The following REC114 variants were observed in gnomAD, a reference collection of about 807,000 sequenced individuals.
The protein encoded by REC114 is REC114 meiotic recombination protein.
REC114 carries 27 observed loss-of-function variants against 31.3 expected under a neutral mutation model. The observed-to-expected ratio is 0.86, with a 90% confidence interval of 0.64 to 1.19. REC114 has a LOEUF of 1.19. Among genes scored for constraint, REC114 ranks in the 50% most tolerant of loss-of-function variants. The probability of loss-of-function intolerance (pLI) is 0.00; values close to 1 mark genes in which losing one functional copy is unlikely to be tolerated. For missense variants in REC114, 344 were observed against 326.9 expected (o/e 1.05, Z -0.40); for synonymous variants, 134 against 127.7 (o/e 1.05, Z -0.33).
At chr15:73,483,524 G>A (rs1160432089) in intron 2 of REC114, 3 of 152,712 alleles carry the variant, frequency 2.0e-5, no homozygotes, top group African/African-American at 7.2e-5. Context: ...TTATTTCAGT[G>A]TTTCTGCTGT....
chr15:73,469,841 T>C (rs1436936573), intron 1 of REC114, among the ~76,000 whole-genome samples: 1 of 151,930 alleles, frequency 6.6e-6, no homozygotes, highest in Non-Finnish European at 1.5e-5. Flanking sequence ...CCCGCCACCA[T>C]GCCCGGCTAA....
chr15:73,454,639 T>A (rs1892892777), intron 1 of REC114, among the ~76,000 whole-genome samples: 1 of 152,206 alleles, frequency 6.6e-6, no homozygotes. Flanking sequence ...TGATATAGGC[T>A]GAAATACAAA....
At chr15:73,498,519 A>G (rs1330669823) in intron 2 of REC114, among the ~76,000 whole-genome samples, 1 of 152,194 alleles carries the variant, frequency 6.6e-6, no homozygotes, top group South Asian at 2.1e-4. Context: ...AATTCTAATA[A>G]GATTTCCTGA....
chr15:73,550,381 A>G (rs1894370798), intron 3 of REC114, among the ~76,000 whole-genome samples: 1 of 152,218 alleles, frequency 6.6e-6, no homozygotes, highest in Non-Finnish European at 1.5e-5. Context: ...TCACTATGCA[A>G]CTTGTATGGT....
rs533631891 is a variant in REC114 at position 73,541,977 on chromosome 15, A to G, written c.333+1409A>G. Among the ~76,000 whole-genome samples the G allele has an allele frequency of 5.6e-4, 85 of 152,266 alleles. 1 individual carries two copies. The highest frequency in any genetic ancestry group is 1.1e-3 in the Non-Finnish European group (75 of 68,020). ...ATCAGTTAGGATTGTGTTCAGATGC[A>G]TGTAAGAGAAAAATCAGCTATAATG... On this transcript the variant is annotated intron_variant, in intron 3 of 5. Coordinates refer to ENST00000331090, the MANE Select transcript of REC114 (RefSeq NM_001042367.2).
intron 1 of REC114, among the ~76,000 whole-genome samples, chr15:73,448,126 T>C (rs1892793230): frequency 6.6e-6 from 1 of 151,738 alleles, no homozygotes; most frequent in South Asian, 2.1e-4. Flanking sequence ...CGCCAGTGGC[T>C]ACTGGAAAGC....
intron 2 of REC114, among the ~76,000 whole-genome samples, chr15:73,474,946 C>T (rs944470577): frequency 7.9e-5 from 12 of 152,158 alleles, no homozygotes; most frequent in Non-Finnish European, 1.5e-4. Flanking sequence ...ACTTTTAAAA[C>T]TGCAGCATGC....
intron 3 of REC114, among the ~76,000 whole-genome samples, chr15:73,550,665 ATAGTGAT>A (rs1398387142): frequency 5.3e-5 from 8 of 152,220 alleles, no homozygotes; most frequent in Non-Finnish European, 1.2e-4. Flanking sequence ...TGCAATCAGT[ATAGTGAT>A]CTTCCTGTCT....
At chr15:73,455,163 A>G (rs909648169) in intron 1 of REC114, among the ~76,000 whole-genome samples, 5 of 152,006 alleles carry the variant, frequency 3.3e-5, no homozygotes, top group African/African-American at 4.8e-5. Context: ...GTTCTATTTT[A>G]TGGGCACTGG....
chr15:73,481,996 T>G (rs1345225418), intron 2 of REC114, among the ~76,000 whole-genome samples: 12 of 152,090 alleles, frequency 7.9e-5, no homozygotes, highest in Non-Finnish European at 1.8e-4. Context: ...TCATTGACAT[T>G]AAGTACATTC....
intron 1 of REC114, among the ~76,000 whole-genome samples, chr15:73,455,056 C>T (rs1892897729): frequency 6.6e-6 from 1 of 152,156 alleles, no homozygotes; most frequent in African/African-American, 2.4e-5. Context: ...TTGTACCTTC[C>T]TTTGAATCTG....
chr15:73,524,287 G>A (rs186702218), intron 2 of REC114, among the ~76,000 whole-genome samples: 2 of 152,312 alleles, frequency 1.3e-5, no homozygotes, highest in African/African-American at 4.8e-5. Flanking sequence ...TATGAGGACA[G>A]TGTTCCCAAA....
chr15:73,547,788 G>C lies in REC114; in HGVS notation c.334-3150G>C, dbSNP rs548706207. On this transcript the variant is annotated intron_variant, in intron 3 of 5. Transcript: ENST00000331090. Reference sequence around the variant, plus strand: ...ACAAAAATTAATTCAAGATGGATTAGAGACTTAAATGTAAAACCAAACGCT... The same window carrying C: ...ACAAAAATTAATTCAAGATGGATTACAGACTTAAATGTAAAACCAAACGCT... Among the ~76,000 whole-genome samples the C allele has an allele frequency of 3.9e-5, 6 of 152,284 alleles. No homozygotes were observed. In the South Asian group the frequency reaches 1.0e-3, roughly 26 times the overall value.
intron 4 of REC114, among the ~76,000 whole-genome samples, chr15:73,555,302 C>T (rs556552817): frequency 3.9e-5 from 6 of 152,106 alleles, no homozygotes; most frequent in Non-Finnish European, 8.8e-5. Context: ...CACCACTGCT[C>T]GTCTGGAGAT....
chr15:73,473,284 G>A (rs536980739), intron 1 of REC114, among the ~76,000 whole-genome samples: 5 of 152,164 alleles, frequency 3.3e-5, no homozygotes, highest in Admixed American at 2.0e-4. Flanking sequence ...AGCTACTCGC[G>A]AGGCTGAGGC....
intron 1 of REC114, among the ~76,000 whole-genome samples, chr15:73,445,395 C>T (rs912084027): frequency 2.0e-5 from 3 of 152,196 alleles, no homozygotes; most frequent in Non-Finnish European, 2.9e-5. Context: ...TTTTCCATTT[C>T]AGCAATAAGG....
intron 4 of REC114, among the ~76,000 whole-genome samples, chr15:73,551,472 A>G (rs1335825247): frequency 6.6e-6 from 1 of 152,146 alleles, no homozygotes; most frequent in African/African-American, 2.4e-5. Flanking sequence ...AAAGAGTATC[A>G]CTTGCCTTTT....
chr15:73,447,836 T>TG (rs1323610913), intron 1 of REC114, among the ~76,000 whole-genome samples: 11 of 151,894 alleles, frequency 7.2e-5, no homozygotes, highest in African/African-American at 1.7e-4. Context: ...GTGCAGGCCA[T>TG]GGGGGGTGAG....
rs536096140 is a variant in REC114, at chr15:73,488,226, T to C, written c.249+14305T>C. 2.6e-5 allele frequency among the ~76,000 whole-genome samples: 4 copies of C among 152,332 alleles called. No individual in the cohort carries two copies. The East Asian group carries it at 7.7e-4, about 29-fold the overall frequency. On this transcript the variant is annotated intron_variant, in intron 2 of 5. Coordinates refer to ENST00000331090, the MANE Select transcript of REC114 (RefSeq NM_001042367.2). ...TATGATGGGTGTGGTAGCCTCAAAG[T>C]TCTTTGAAATACTTTTGGGGTTATT...
Sources: gnomAD v4.1 joint callset for allele counts (sites outside exome capture counted in the v4.1 genomes callset) on GRCh38, gnomAD v4.1.1 for gene constraint, MANE v1.5 for transcripts, NCBI Gene and HGNC (gene_info 2026-07-23, HGNC 2026-07-21) for gene names.